The following DZANK1 variants were observed in gnomAD, a reference collection of about 807,000 sequenced individuals.
DZANK1 encodes the protein double zinc ribbon and ankyrin repeat-containing protein 1.
Under a neutral mutation model 94.5 loss-of-function variants are expected in DZANK1, and 91 were observed. That is an observed-to-expected ratio of 0.96 (90% CI 0.81 to 1.15). DZANK1 has a LOEUF of 1.15. Among genes scored for constraint, DZANK1 ranks in the 50% most tolerant of loss-of-function variants. The probability of loss-of-function intolerance (pLI) is 0.00; values close to 1 mark genes in which losing one functional copy is unlikely to be tolerated. For missense variants in DZANK1, 903 were observed against 916.4 expected (o/e 0.99, Z 0.19); for synonymous variants, 312 against 325.3 (o/e 0.96, Z 0.44).
At chr20:18,433,047 G>A (rs1231880061) in intron 9 of DZANK1, 1 of 152,186 alleles carries the variant, frequency 6.6e-6, no homozygotes, top group Non-Finnish European at 1.5e-5. Context: ...AACACTAACT[G>A]CAATGTTGGA....
Position 18,425,686 on chromosome 20 carries a change from G to A in DZANK1, c.954+1381C>T, listed in dbSNP as rs139061739. Reference sequence around the variant, plus strand: ...TTATTTGGAAAAAGGTCTGTACAGAGGTAATCAAGTTAAAATGTGGTCATT... The same window carrying A: ...TTATTTGGAAAAAGGTCTGTACAGAAGTAATCAAGTTAAAATGTGGTCATT... On this transcript the variant is annotated intron_variant, in intron 10 of 20. Coordinates refer to ENST00000262547, the Ensembl canonical transcript of DZANK1. Among the ~76,000 whole-genome samples, 369 of 152,304 alleles carry A rather than the reference G, an allele frequency of 2.4e-3. 5 individuals carry two copies. The highest frequency in any genetic ancestry group is 0.02 in the Admixed American group (310 of 15,300).
In DZANK1 at chr20:18,441,774, G is replaced by T. The variant is rs1449106718; in HGVS notation, c.747+1573C>A. ...TCTAGGGAACTGGCAGAACATGTTG[G>T]GAAGTCAGATACAGAGATGTGGCTG... On this transcript the variant is annotated intron_variant, in intron 8 of 20. Coordinates refer to ENST00000262547, the Ensembl canonical transcript of DZANK1. This position sits in a 1 kb window ranked among gnomAD's most constrained non-coding sequence, Gnocchi z 4.1. 6.6e-6 allele frequency among the ~76,000 whole-genome samples: 1 copy of T among 152,338 alleles called. No homozygotes were observed. The highest frequency in any genetic ancestry group is 1.9e-4 in the East Asian group (1 of 5,190).
At position 18,452,646 on chromosome 20, in the gene DZANK1, G is replaced by C. The variant is rs1210888557; in HGVS notation, c.512C>G (p.Ser171Ter). The C allele has an allele frequency of 6.2e-7, 1 of 1,601,772 alleles. No homozygotes were observed. Among genetic ancestry groups the C allele is most frequent in the Admixed American group, 1.7e-5 (1 of 58,364 alleles). The change falls in exon 6 of 21, where the codon TCA becomes TGA. Residue 171 changes from serine (S) to a stop codon, truncating the protein, a stop_gained. Transcript: ENST00000262547. LOFTEE classifies it high-confidence loss of function. Reference sequence around the variant, plus strand: ...CTGGCGGGTGGGTGGTCTAGAACCTGATCCTCCACCATAAGCTGGGATTTC... The same window carrying C: ...CTGGCGGGTGGGTGGTCTAGAACCTCATCCTCCACCATAAGCTGGGATTTC...
chr20:18,442,066 A>T (rs2058731068), intron 8 of DZANK1, among the ~76,000 whole-genome samples: 1 of 152,230 alleles, frequency 6.6e-6, no homozygotes, highest in Non-Finnish European at 1.5e-5. Flanking sequence ...TCAGAGCAGG[A>T]CACAGTAGTA....
exon 17 of DZANK1, chr20:18,393,784 T>C: frequency 6.2e-7 from 1 of 1,612,850 alleles, no homozygotes. Context: ...TTCAATAGTA[T>C]CTGAGGTACT....
rs924423854 is a variant in DZANK1, at chr20:18,422,362, T to G, written c.954+4705A>C. ...AATCAATTGATGGTAGATGCATGAA[T>G]TTATTTCTGGGCTCTCTATTCTTGT... On this transcript the variant is annotated intron_variant, in intron 10 of 20. Transcript: ENST00000262547. 5.3e-5 allele frequency among the ~76,000 whole-genome samples: 8 copies of G among 152,338 alleles called. No homozygotes were observed. In the East Asian group the frequency reaches 9.6e-4, roughly 18 times the overall value.
intron 10 of DZANK1, chr20:18,420,886 G>A: frequency 6.5e-6 from 1 of 154,510 alleles, no homozygotes; most frequent in Admixed American, 6.5e-5. Context: ...ACTCCACAAG[G>A]CATAAACCAG....
chr20:18,463,657 T>C lies in DZANK1; in HGVS notation c.109+1593A>G, dbSNP rs144181870. On this transcript the variant is annotated intron_variant, in intron 2 of 20. Transcript: ENST00000262547. ...TACCATTCATATCATCTTTTGTCAA[T>C]AGTCACCCAACTTCTCCTAAGAATT... Among the ~76,000 whole-genome samples, 381 of 152,350 alleles carry C rather than the reference T, an allele frequency of 2.5e-3. 1 individual carries two copies. Among genetic ancestry groups the C allele is most frequent in the Middle Eastern group, 6.8e-3 (2 of 294 alleles).
At chr20:18,457,524 C>G (rs924841645) in intron 3 of DZANK1, among the ~76,000 whole-genome samples, 1 of 152,096 alleles carries the variant, frequency 6.6e-6, no homozygotes, top group African/African-American at 2.4e-5. Context: ...TTAAACAAGA[C>G]AGAAGTAATA....
At chr20:18,439,932 G>C (rs983197097) in intron 8 of DZANK1, among the ~76,000 whole-genome samples, 17 of 152,152 alleles carry the variant, frequency 1.1e-4, no homozygotes, top group Admixed American at 1.0e-3. Flanking sequence ...CCCCCAATGT[G>C]ATTGTATTTG....
At chr20:18,453,770 T>A in exon 5 of DZANK1, 2 of 1,613,168 alleles carry the variant, frequency 1.2e-6, no homozygotes, top group Non-Finnish European at 1.7e-6. Flanking sequence ...CTGCGTTGAT[T>A]TTCAGAGTTC....
intron 12 of DZANK1, among the ~76,000 whole-genome samples, chr20:18,413,669 A>G (rs1330112244): frequency 6.6e-6 from 1 of 152,070 alleles, no homozygotes; most frequent in Non-Finnish European, 1.5e-5. Context: ...AATCCTAGCT[A>G]CTCAGGAGAC....
chr20:18,442,610 C>T (rs2058746605), intron 8 of DZANK1, among the ~76,000 whole-genome samples: 1 of 152,162 alleles, frequency 6.6e-6, no homozygotes, highest in African/African-American at 2.4e-5. Flanking sequence ...TACCTGACCC[C>T]TTGCTTGAGG....
intron 10 of DZANK1, among the ~76,000 whole-genome samples, chr20:18,424,664 A>G (rs2057955465): frequency 6.6e-6 from 1 of 152,214 alleles, no homozygotes; most frequent in African/African-American, 2.4e-5. Flanking sequence ...GCAGTATCTT[A>G]TAAAATTAAA....
intron 13 of DZANK1, among the ~76,000 whole-genome samples, chr20:18,403,796 CTTTTTTTTTTTT>C (rs35824877): frequency 2.7e-5 from 3 of 111,740 alleles, no homozygotes; most frequent in Non-Finnish European, 5.4e-5. Flanking sequence ...AACTTTCTTT[CTTTTTTTTTTTT>C]TTTTTTTTTG....
exon 17 of DZANK1, chr20:18,393,762 C>A: frequency 6.2e-7 from 1 of 1,613,278 alleles, no homozygotes. Flanking sequence ...AATTCTTTAT[C>A]CTTTTGATTT....
intron 10 of DZANK1, among the ~76,000 whole-genome samples, chr20:18,417,058 A>G: frequency 6.6e-6 from 1 of 151,814 alleles, no homozygotes; most frequent in East Asian, 1.9e-4. Flanking sequence ...AAGAGAAAGA[A>G]AAGTTATCTT....
At position 18,434,175 on chromosome 20, in the gene DZANK1, T is replaced by TA. The variant is rs921315397; in HGVS notation, c.748-411dup. On this transcript the variant is annotated intron_variant, in intron 8 of 20. Coordinates refer to ENST00000262547, the Ensembl canonical transcript of DZANK1. Reference sequence around the variant, plus strand: ...TGTTCATTGTAGAAAAGAGAGATGTTAAAAAAAAAAAGAAAAATATCCATA... The same window carrying TA: ...TGTTCATTGTAGAAAAGAGAGATGTTAAAAAAAAAAAAGAAAAATATCCATA... Among the ~76,000 whole-genome samples the TA allele has an allele frequency of 6.7e-3, 974 of 144,618 alleles. 14 individuals carry two copies. The highest frequency in any genetic ancestry group is 0.022 in the Admixed American group (325 of 14,496). The allele number at this position is 144,618 out of a possible 152,430, so 94.9% of individuals were successfully genotyped here.
rs866298514 is a variant in DZANK1 at position 18,438,249 on chromosome 20, C to A, written c.748-4484G>T. Among the ~76,000 whole-genome samples, 86 of 126,738 alleles carry A rather than the reference C, an allele frequency of 6.8e-4. 1 individual carries two copies. The highest frequency in any genetic ancestry group is 7.4e-4 in the Non-Finnish European group (45 of 60,660). 83.1% of individuals were successfully genotyped at this position (126,738 alleles called of 152,430 possible). A position where few individuals can be genotyped will look rare whatever the true frequency, so the allele number is the denominator to read the frequency against. ...AAAAAAAAAAAAAAAAGAAATAACA[C>A]AAAAGAAAGCAGTAAACGAGGGAAA... On this transcript the variant is annotated intron_variant, in intron 8 of 20. Transcript: ENST00000262547.
Sources: gnomAD v4.1 joint callset for allele counts (sites outside exome capture counted in the v4.1 genomes callset) on GRCh38, gnomAD v4.1.1 for gene constraint, Gnocchi (gnomAD v3.1) non-coding constraint, MANE v1.5 for transcripts, NCBI Gene and HGNC (gene_info 2026-07-23, HGNC 2026-07-21) for gene names.